Variants in ADAM28 observed in about 807,000 individuals in gnomAD.
ADAM28 encodes disintegrin and metalloproteinase domain-containing protein 28.
In ADAM28, 105 loss-of-function variants were observed where a neutral mutation model predicts 101.2. The observed-to-expected ratio is 1.04, with a 90% confidence interval of 0.89 to 1.22. The LOEUF is 1.22. Ranked by LOEUF, ADAM28 falls within the 50% of genes most tolerant of loss-of-function variation. The pLI is 0.00. For missense variants in ADAM28, 1,028 were observed against 945.4 expected (o/e 1.09, Z -1.15); for synonymous variants, 322 against 310.6 (o/e 1.04, Z -0.39).
chr8:24,351,364 C>A, intron 20 of ADAM28, 54 bp downstream of exon 20: 2 of 1,519,852 alleles, frequency 1.3e-6, no homozygotes, highest in South Asian at 1.1e-5. Context: ...GCGTTTCTCT[C>A]ACACTCTTAT....
intron 17 of ADAM28, 37 bp downstream of exon 17, chr8:24,343,218 A>G (rs372432584): frequency 1.3e-6 from 2 of 1,596,614 alleles, no homozygotes; most frequent in South Asian, 1.1e-5. Context: ...AGCTCTCTGA[A>G]TCTTATGACA....
intron 18 of ADAM28, among the ~76,000 whole-genome samples, chr8:24,348,783 T>G (rs948918282): frequency 6.6e-6 from 1 of 152,202 alleles, no homozygotes; most frequent in Non-Finnish European, 1.5e-5. Flanking sequence ...GCCCCAATTT[T>G]AGCTCCAGAC....
chr8:24,326,037 C>T (rs1812576379), intron 9 of ADAM28, among the ~76,000 whole-genome samples: 1 of 151,588 alleles, frequency 6.6e-6, no homozygotes, highest in Admixed American at 6.6e-5. Flanking sequence ...GCAAATGATT[C>T]AAACCCCTCT....
chr8:24,297,366 G>C (rs1808107775), intron 1 of ADAM28, among the ~76,000 whole-genome samples: 1 of 152,172 alleles, frequency 6.6e-6, no homozygotes, highest in Non-Finnish European at 1.5e-5. Context: ...GTGCATGTGA[G>C]AGAAAATTTG....
rs1022963132 is a variant in ADAM28 at position 24,310,070 on chromosome 8, C to G, written c.228-93C>G. 1.3e-5 allele frequency: 19 copies of G among 1,503,728 alleles called. No homozygotes were observed. The African/African-American group carries it at 2.1e-4, about 16-fold the overall frequency. The allele number at this position is 1,503,728 out of a possible 1,614,324, so 93.1% of individuals were successfully genotyped here. On this transcript the variant is annotated intron_variant, in intron 3 of 22. Transcript: ENST00000265769. Reference sequence around the variant, plus strand: ...TGCTTATGGCTCACACAAACCTGGACTAATCAGCGTTTGCTCTCAAATGAC... The same window carrying G: ...TGCTTATGGCTCACACAAACCTGGAGTAATCAGCGTTTGCTCTCAAATGAC...
chr8:24,352,017 C>G lies in ADAM28; in HGVS notation c.2209C>G (p.Leu737Val), dbSNP rs1816215466. ...MSQMKPHVYD[L>V]PVEGNEPPAS... ...TCAGATGAAGCCCCATGTGTATGAT[C>G]TGCCAGTAGAAGGCAATGAGCCCCC... The change falls in exon 21 of 23, where the codon CTG (leucine) becomes GTG (valine). Residue 737 changes from leucine (L) to valine (V), a missense_variant. Physicochemically the swap from Leu to Val is conservative, Grantham distance 32. Transcript: ENST00000265769. 8 of 1,613,732 alleles carry G rather than the reference C, an allele frequency of 5.0e-6. No homozygotes were observed. In the East Asian group the frequency reaches 1.8e-4, roughly 36 times the overall value.
chr8:24,310,846 C>T (rs1266609301), intron 4 of ADAM28, among the ~76,000 whole-genome samples: 2 of 152,016 alleles, frequency 1.3e-5, no homozygotes, highest in Admixed American at 1.3e-4. Flanking sequence ...GGAACACCCA[C>T]ACGAAAAAAT....
chr8:24,307,910 A>G (rs879325478), intron 2 of ADAM28, among the ~76,000 whole-genome samples: 2 of 152,288 alleles, frequency 1.3e-5, no homozygotes, highest in African/African-American at 4.8e-5. Context: ...GATTTACTGT[A>G]AGTTTTGAAC....
At chr8:24,342,195 A>G (rs1814865324) in intron 16 of ADAM28, among the ~76,000 whole-genome samples, 2 of 152,158 alleles carry the variant, frequency 1.3e-5, no homozygotes, top group African/African-American at 2.4e-5. Context: ...CTGTTTAGCC[A>G]GGGCCAATCA....
chr8:24,321,544 A>G (rs1194429727), intron 8 of ADAM28: 7 of 431,550 alleles, frequency 1.6e-5, no homozygotes, highest in Non-Finnish European at 2.5e-5. Flanking sequence ...ACATGGGTGC[A>G]TTGTATTTTC....
chr8:24,341,095 T>G (rs1387412812), intron 15 of ADAM28: 2 of 152,400 alleles, frequency 1.3e-5, no homozygotes, highest in African/African-American at 4.8e-5. Flanking sequence ...TACAAATAAA[T>G]GAGTAACCTA....
intron 6 of ADAM28, among the ~76,000 whole-genome samples, chr8:24,316,954 A>C (rs930140042): frequency 3.3e-5 from 5 of 151,972 alleles, no homozygotes; most frequent in African/African-American, 1.2e-4. Context: ...CAAGAACACC[A>C]TTCCATTTAT....
chr8:24,339,316 T>C, intron 14 of ADAM28, 150 bp from the exon 15 acceptor site: 1 of 614,896 alleles, frequency 1.6e-6, no homozygotes, highest in Middle Eastern at 4.3e-4. Flanking sequence ...GAGTGGTCAA[T>C]GGAATTATGC....
chr8:24,305,568 G>C (rs912418971), intron 2 of ADAM28, among the ~76,000 whole-genome samples: 1 of 142,254 alleles, frequency 7.0e-6, no homozygotes, highest in Non-Finnish European at 1.5e-5. Flanking sequence ...ATTAATACAT[G>C]TTGGTCTAAA....
At chr8:24,333,115 A>C (rs1813572930) in intron 13 of ADAM28, among the ~76,000 whole-genome samples, 1 of 152,170 alleles carries the variant, frequency 6.6e-6, no homozygotes, top group Non-Finnish European at 1.5e-5. Context: ...GGAATCCAAA[A>C]ACGTTGAATA....
chr8:24,311,803 A>T (rs2129268060), intron 5 of ADAM28, among the ~76,000 whole-genome samples: 1 of 152,154 alleles, frequency 6.6e-6, no homozygotes, highest in East Asian at 1.9e-4. Flanking sequence ...TAGTGGTGCG[A>T]TTTCAGCTCA....
chr8:24,341,828 C>T (rs1029299747), intron 16 of ADAM28, 71 bp downstream of exon 16: 36 of 1,591,908 alleles, frequency 2.3e-5, no homozygotes, highest in African/African-American at 2.2e-4. Context: ...TTTTGCCCCT[C>T]GGTTATTCAC....
At chr8:24,316,547 C>A (rs1811186142) in intron 6 of ADAM28, among the ~76,000 whole-genome samples, 1 of 152,010 alleles carries the variant, frequency 6.6e-6, no homozygotes. Flanking sequence ...TCAGCCCAAG[C>A]ATTAAGGTTT....
intron 1 of ADAM28, among the ~76,000 whole-genome samples, chr8:24,297,420 G>C (rs576050317): frequency 1.3e-5 from 2 of 152,220 alleles, no homozygotes; most frequent in Non-Finnish European, 2.9e-5. Flanking sequence ...ATTTCTGAAT[G>C]GTGCTGAGAA....
Sources: allele counts gnomAD v4.1 joint callset (sites outside exome capture counted in the v4.1 genomes callset), GRCh38; gene constraint gnomAD v4.1.1; transcripts MANE v1.5; gene names NCBI Gene and HGNC (gene_info 2026-07-23, HGNC 2026-07-21).